The following FOXP1 variants were observed in gnomAD, a reference collection of about 807,000 sequenced individuals.
FOXP1 encodes forkhead box P1, also known as forkhead box protein P1.
In FOXP1, 15 loss-of-function variants were observed where a neutral mutation model predicts 98.2. The ratio of observed to expected loss-of-function variants is 0.15; its 90% CI spans 0.10 to 0.24. The LOEUF (loss-of-function observed/expected upper bound fraction) is 0.24, where lower values mean the gene tolerates loss of function less well. Among genes scored for constraint, FOXP1 ranks in the 10% least tolerant of loss-of-function variants. The pLI is 1.00. For synonymous variants in FOXP1, 371 were observed against 314.5 expected, an observed-to-expected ratio of 1.18 and a Z score of -1.90; for missense variants, 633 against 848.5, an observed-to-expected ratio of 0.75 and a Z score of 3.15.
intron 5 of FOXP1, among the ~76,000 whole-genome samples, chr3:71,232,120 A>C (rs1263118619): frequency 6.6e-6 from 1 of 152,270 alleles, no homozygotes; most frequent in Non-Finnish European, 1.5e-5. Context: ...GGAAGGGGCT[A>C]GGTGGCTTAG....
chr3:71,269,905 T>C (rs2070161677), intron 5 of FOXP1, among the ~76,000 whole-genome samples: 1 of 152,124 alleles, frequency 6.6e-6, no homozygotes. Context: ...GTAAAGATAA[T>C]GAAAAAGTAT....
At chr3:71,431,925 T>C (rs1449636159) in intron 3 of FOXP1, among the ~76,000 whole-genome samples, 2 of 152,202 alleles carry the variant, frequency 1.3e-5, no homozygotes, top group African/African-American at 2.4e-5. Flanking sequence ...AACACCATCA[T>C]ATGTGCAATT....
intron 12 of FOXP1, among the ~76,000 whole-genome samples, chr3:71,001,641 C>T (rs2042139394): frequency 6.6e-6 from 1 of 152,124 alleles, no homozygotes; most frequent in African/African-American, 2.4e-5. Flanking sequence ...GAAAACTCTG[C>T]CTGGGTTCTT....
chr3:71,496,537 T>C (rs901335618), intron 2 of FOXP1, among the ~76,000 whole-genome samples: 6 of 152,126 alleles, frequency 3.9e-5, no homozygotes, highest in African/African-American at 1.2e-4. Context: ...CAATACTCTA[T>C]GTGGCCGGCC....
Position 71,193,174 on chromosome 3 carries a change from G to T in FOXP1, c.180+5028C>A, listed in dbSNP as rs577206877. Among the ~76,000 whole-genome samples the T allele has an allele frequency of 2.3e-3, 342 of 146,602 alleles. 2 individuals are homozygous for T. The highest frequency in any genetic ancestry group is 7.9e-3 in the African/African-American group (297 of 37,832). On this transcript the variant is annotated intron_variant, in intron 6 of 20. Transcript: ENST00000649528. ...ATTTGTGTTTTTTTTTTGAGACGGA[G>T]TCTTGCTCTGTTGCCCAGGCTGGAG...
intron 3 of FOXP1, among the ~76,000 whole-genome samples, chr3:71,400,287 A>C (rs1414778282): frequency 6.6e-6 from 1 of 152,128 alleles, no homozygotes. Flanking sequence ...TCATGGACTT[A>C]ATCTGATAAT....
chr3:71,284,724 A>G (rs1233191451), intron 5 of FOXP1, among the ~76,000 whole-genome samples: 6 of 152,178 alleles, frequency 3.9e-5, no homozygotes, highest in African/African-American at 1.4e-4. Context: ...CTTTAAGAAC[A>G]CTTCATGACA....
At chr3:71,135,648 G>A (rs2059786530) in intron 6 of FOXP1, among the ~76,000 whole-genome samples, 1 of 152,158 alleles carries the variant, frequency 6.6e-6, no homozygotes, top group Non-Finnish European at 1.5e-5. Context: ...TGTTGCACAG[G>A]ACTGAACTGC....
At chr3:71,044,031 C>T (rs2048698920) in intron 10 of FOXP1, among the ~76,000 whole-genome samples, 2 of 152,210 alleles carry the variant, frequency 1.3e-5, no homozygotes, top group Non-Finnish European at 2.9e-5. Context: ...TCTCATCACA[C>T]TTAACACAGA....
chr3:71,576,266 G>A (rs2047709845), intron 2 of FOXP1, among the ~76,000 whole-genome samples: 3 of 152,114 alleles, frequency 2.0e-5, no homozygotes, highest in Non-Finnish European at 4.4e-5. Context: ...ACATGATTCT[G>A]AGTATAGAGA....
At chr3:71,398,807 A>AG (rs1346229939) in intron 3 of FOXP1, among the ~76,000 whole-genome samples, 1 of 152,240 alleles carries the variant, frequency 6.6e-6, no homozygotes, top group African/African-American at 2.4e-5. Context: ...TTATGTCATT[A>AG]GTAGCCATTT....
intron 3 of FOXP1, among the ~76,000 whole-genome samples, chr3:71,487,168 A>C (rs2090717678): frequency 6.6e-6 from 1 of 152,146 alleles, no homozygotes; most frequent in Admixed American, 6.5e-5. Context: ...GAAAAAAAAA[A>C]CACTACAAAA....
chr3:71,579,911 A>AT (rs145851835), intron 2 of FOXP1, among the ~76,000 whole-genome samples: 1 of 152,274 alleles, frequency 6.6e-6, no homozygotes, highest in East Asian at 1.9e-4. Context: ...CTCGGCATCC[A>AT]TAAGGAACTC....
intron 13 of FOXP1, among the ~76,000 whole-genome samples, chr3:71,000,626 C>T (rs2041997369): frequency 6.6e-6 from 1 of 151,434 alleles, no homozygotes; most frequent in South Asian, 2.1e-4. Context: ...CAACAGATAA[C>T]CAGAAAATGC....
At chr3:71,237,105 G>A (rs1270753138) in intron 5 of FOXP1, among the ~76,000 whole-genome samples, 3 of 149,916 alleles carry the variant, frequency 2.0e-5, no homozygotes, top group Non-Finnish European at 4.4e-5. Context: ...GGTGGTGCAC[G>A]CCTGTAATCC....
At chr3:71,033,758 C>G (rs1311619756) in intron 11 of FOXP1, among the ~76,000 whole-genome samples, 1 of 152,150 alleles carries the variant, frequency 6.6e-6, no homozygotes, top group African/African-American at 2.4e-5. Context: ...TCCTTTCTCC[C>G]ACTTCTAAGT....
At chr3:71,319,386 C>T (rs2075267994) in intron 4 of FOXP1, among the ~76,000 whole-genome samples, 1 of 152,036 alleles carries the variant, frequency 6.6e-6, no homozygotes, top group Non-Finnish European at 1.5e-5. Context: ...ATGCTAAATT[C>T]CCAAAGCCTC....
chr3:71,455,859 T>C (rs965380872), intron 3 of FOXP1, among the ~76,000 whole-genome samples: 2 of 152,214 alleles, frequency 1.3e-5, no homozygotes, highest in African/African-American at 4.8e-5. Flanking sequence ...TTATCTCCCA[T>C]TGCAGATCTG....
intron 3 of FOXP1, among the ~76,000 whole-genome samples, chr3:71,390,632 C>A (rs2080963144): frequency 6.6e-6 from 1 of 152,052 alleles, no homozygotes; most frequent in African/African-American, 2.4e-5. Flanking sequence ...GAAAAACAAT[C>A]CAAGTCTCCA....
Sources: gnomAD v4.1 joint callset for allele counts (sites outside exome capture counted in the v4.1 genomes callset) on GRCh38, gnomAD v4.1.1 for gene constraint, MANE v1.5 for transcripts, NCBI Gene and HGNC (gene_info 2026-07-23, HGNC 2026-07-21) for gene names.